The following ADAMTS2 variants were observed in gnomAD, a reference collection of about 807,000 sequenced individuals.
ADAMTS2 encodes the protein A disintegrin and metalloproteinase with thrombospondin motifs 2.
Under a neutral mutation model 123.0 loss-of-function variants are expected in ADAMTS2, and 50 were observed. The observed-to-expected ratio is 0.41, with a 90% CI of 0.32 to 0.51. ADAMTS2 has a LOEUF of 0.51. ADAMTS2 is among the 20% of genes least tolerant of loss of function. ADAMTS2 has a pLI of 0.35. For synonymous variants in ADAMTS2, 678 were observed against 695.4 expected (o/e 0.98, Z 0.39); for missense variants, 1,494 against 1,705.2 (o/e 0.88, Z 2.18).
At chr5:179,198,305 C>T (rs368951890) in intron 4 of ADAMTS2, among the ~76,000 whole-genome samples, 4 of 152,300 alleles carry the variant, frequency 2.6e-5, no homozygotes, top group East Asian at 3.9e-4. Flanking sequence ...CTGCCAGTGA[C>T]GGGGCTGGGG....
intron 2 of ADAMTS2, among the ~76,000 whole-genome samples, chr5:179,322,389 G>A (rs369415241): frequency 3.0e-4 from 45 of 152,218 alleles, no homozygotes; most frequent in Non-Finnish European, 4.9e-4. Context: ...GAAATAACCC[G>A]CCCATGGTCA....
In ADAMTS2 at chr5:179,188,617, C is replaced by G. The variant is rs1278670155; in HGVS notation, c.892-7462G>C. Among the ~76,000 whole-genome samples, 1 of 152,144 alleles carries G rather than the reference C, an allele frequency of 6.6e-6. No individual in the cohort carries two copies. The highest frequency in any genetic ancestry group is 2.4e-5 in the African/African-American group (1 of 41,426). On this transcript the variant is annotated intron_variant, in intron 4 of 21. Transcript: ENST00000251582. This position sits in a 1 kb window ranked among gnomAD's most constrained non-coding sequence, Gnocchi z 5.1. ...TCAAACTACCATGAAACGGAAATGG[C>G]CAGGATCAGAATTACTAGGCTCAGT...
At chr5:179,226,491 G>A (rs898569953) in intron 3 of ADAMTS2, among the ~76,000 whole-genome samples, 11 of 150,950 alleles carry the variant, frequency 7.3e-5, no homozygotes, top group African/African-American at 2.7e-4. Context: ...TAGCCAGGCT[G>A]GTTTCAAACT....
intron 3 of ADAMTS2, among the ~76,000 whole-genome samples, chr5:179,268,472 C>T (rs759228508): frequency 3.9e-5 from 6 of 152,224 alleles, no homozygotes; most frequent in Non-Finnish European, 8.8e-5. Context: ...GAAACAGAGA[C>T]CACATGCTCA....
intron 2 of ADAMTS2, among the ~76,000 whole-genome samples, chr5:179,277,319 ACACCCCGAGACCAAAGGCTG>A (rs1766726732): frequency 9.6e-5 from 6 of 62,602 alleles, no homozygotes; most frequent in South Asian, 5.8e-4. Context: ...CCAAAGGCTG[ACACCCCGAGACCAAAGGCTG>A]ACCCCCCTGA....
chr5:179,337,993 C>T (rs560150802), intron 2 of ADAMTS2, among the ~76,000 whole-genome samples: 13 of 152,304 alleles, frequency 8.5e-5, no homozygotes, highest in African/African-American at 3.1e-4. Flanking sequence ...AGGCATGACT[C>T]GCTAAGCACT....
chr5:179,142,462 T>A (rs1488043014), intron 10 of ADAMTS2, among the ~76,000 whole-genome samples: 2 of 152,138 alleles, frequency 1.3e-5, no homozygotes, highest in East Asian at 1.9e-4. Flanking sequence ...CTGTGAAAGG[T>A]CTAGAATTTA....
rs758988486 is a variant in ADAMTS2, at chr5:179,245,964, C to T, written c.688+26947G>A. 5.5e-4 allele frequency among the ~76,000 whole-genome samples: 83 copies of T among 152,148 alleles called. 1 individual carries two copies. The highest frequency in any genetic ancestry group is 9.3e-4 in the Non-Finnish European group (63 of 68,008). On this transcript the variant is annotated intron_variant, in intron 3 of 21. Coordinates refer to ENST00000251582, the MANE Select transcript of ADAMTS2 (RefSeq NM_014244.5). Reference sequence around the variant, plus strand: ...TAGAGGACTCCAAAATTCTGCCCCTCCACAAAAACAGGAAATAAGCTAGTA... The same window carrying T: ...TAGAGGACTCCAAAATTCTGCCCCTTCACAAAAACAGGAAATAAGCTAGTA...
intron 3 of ADAMTS2, among the ~76,000 whole-genome samples, chr5:179,270,624 C>G (rs1766505098): frequency 6.6e-6 from 1 of 152,208 alleles, no homozygotes; most frequent in African/African-American, 2.4e-5. Context: ...TTATGTATCT[C>G]CCAGTTGCCA....
intron 2 of ADAMTS2, among the ~76,000 whole-genome samples, chr5:179,333,095 C>T (rs111655848): frequency 2.6e-5 from 4 of 152,252 alleles, no homozygotes; most frequent in Admixed American, 6.5e-5. Flanking sequence ...GTGAGAGACC[C>T]GAGAGCAGAG....
intron 10 of ADAMTS2, among the ~76,000 whole-genome samples, chr5:179,150,423 A>G (rs955957549): frequency 6.6e-6 from 1 of 152,236 alleles, no homozygotes; most frequent in African/African-American, 2.4e-5. Flanking sequence ...GTCTGGGCAC[A>G]TCTTAAAAAC....
chr5:179,257,668 C>CCT (rs1361069075), intron 3 of ADAMTS2, among the ~76,000 whole-genome samples: 5 of 152,194 alleles, frequency 3.3e-5, no homozygotes, highest in Non-Finnish European at 5.9e-5. Flanking sequence ...GCTGGAAAGG[C>CCT]CTCTCTTGAC....
chr5:179,246,094 G>C (rs933045237), intron 3 of ADAMTS2, among the ~76,000 whole-genome samples: 1 of 152,176 alleles, frequency 6.6e-6, no homozygotes, highest in African/African-American at 2.4e-5. Flanking sequence ...GGTGACAGTG[G>C]GTTATGGTGT....
At chr5:179,153,436 C>T in intron 9 of ADAMTS2, 55 bp downstream of exon 9, 1 of 1,599,054 alleles carries the variant, frequency 6.3e-7, no homozygotes, top group African/African-American at 1.3e-5. Context: ...GCCCCTACAC[C>T]AGCACGCCTC....
At chr5:179,326,187 G>A (rs1757312437) in intron 2 of ADAMTS2, among the ~76,000 whole-genome samples, 1 of 143,214 alleles carries the variant, frequency 7.0e-6, no homozygotes, top group East Asian at 2.2e-4. Flanking sequence ...GTGGAGAAAT[G>A]GCGTTTGTGT....
intron 12 of ADAMTS2, 98 bp from the exon 13 acceptor site, chr5:179,136,140 C>T (rs932500241): frequency 2.9e-5 from 45 of 1,569,010 alleles, no homozygotes; most frequent in Non-Finnish European, 3.8e-5. Flanking sequence ...CACAAGGGTC[C>T]CCACGTGGCC....
Position 179,127,946 on chromosome 5 carries a change from G to A in ADAMTS2, c.2617+13C>T, listed in dbSNP as rs756651045. The A allele has an allele frequency of 1.3e-5, 21 of 1,612,992 alleles. No individual in the cohort carries two copies. The highest frequency in any genetic ancestry group is 6.7e-5 in the Admixed American group (4 of 59,968). On this transcript the variant is annotated intron_variant, in intron 17 of 21. Coordinates refer to ENST00000251582, the MANE Select transcript of ADAMTS2 (RefSeq NM_014244.5). ...TCATGTCACCCAGGTCCCCAGCTTC[G>A]AGACCCCCTCACCTCCGCCACAGGG...
At chr5:179,273,739 C>T (rs1305366586) in intron 2 of ADAMTS2, among the ~76,000 whole-genome samples, 1 of 152,058 alleles carries the variant, frequency 6.6e-6, no homozygotes, top group Non-Finnish European at 1.5e-5. Context: ...AGCCACCAGC[C>T]CAGACTCTAC....
At chr5:179,114,745 A>G (rs921505352) in intron 21 of ADAMTS2, among the ~76,000 whole-genome samples, 18 of 152,236 alleles carry the variant, frequency 1.2e-4, no homozygotes, top group African/African-American at 3.6e-4. Context: ...GCTTGACTCT[A>G]CAATAATCTC....
Sources: allele counts gnomAD v4.1 joint callset (sites outside exome capture counted in the v4.1 genomes callset), GRCh38; gene constraint gnomAD v4.1.1; non-coding constraint Gnocchi (gnomAD v3.1); transcripts MANE v1.5; gene names NCBI Gene and HGNC (gene_info 2026-07-23, HGNC 2026-07-21).